The following IL3RA variants were observed in gnomAD, a reference collection of about 807,000 sequenced individuals.
The protein encoded by IL3RA is interleukin 3 receptor subunit alpha, also known as interleukin-3 receptor subunit alpha.
In IL3RA, 73 loss-of-function variants were observed where a neutral mutation model predicts 52.3. The ratio of observed to expected loss-of-function variants is 1.40; its 90% confidence interval spans 1.16 to 1.70. IL3RA has a LOEUF of 1.70. IL3RA is among the 40% of genes most tolerant of loss of function. The probability of loss-of-function intolerance (pLI) is 0.00; values close to 1 mark genes in which losing one functional copy is unlikely to be tolerated. For synonymous variants in IL3RA, 260 were observed against 194.0 expected, an observed-to-expected ratio of 1.34 and a Z score of -2.83; for missense variants, 664 against 504.4, an observed-to-expected ratio of 1.32 and a Z score of -3.03.
In IL3RA at chrX:1,382,417, CCTGGAGGAGTGT is replaced by C; in HGVS notation, c.1094_1105del (p.Glu365_Leu368del). On this transcript the variant is annotated inframe_deletion, in exon 12 of 12. Transcript: ENST00000331035. ...TGGTCTGGGAGGCGGGCAAAGCCGG[CCTGGAGGAGTGT>C]CTGGTGACTGAAGTACAGGTCGTGC... 6.2e-7 allele frequency: 1 copy of C among 1,613,808 alleles called. No individual in the cohort carries two copies. Among genetic ancestry groups the C allele is most frequent in the Admixed American group, 1.7e-5 (1 of 60,000 alleles).
chrX:1,364,616 A>G (rs2087762664), intron 8 of IL3RA, among the ~76,000 whole-genome samples: 1 of 150,056 alleles, frequency 6.7e-6, no homozygotes. Flanking sequence ...GACCAAAGAC[A>G]TGTGTCACCA....
chrX:1,356,365 C>T (rs1480597671), intron 7 of IL3RA, 29 bp downstream of exon 7: 1 of 1,437,780 alleles, frequency 7.0e-7, no homozygotes, highest in Non-Finnish European at 9.7e-7. Flanking sequence ...CCCAGCCCCC[C>T]CACCCCCGTG....
At chrX:1,380,974 A>G in intron 10 of IL3RA, 49 bp from the exon 11 acceptor site, 1 of 1,481,786 alleles carries the variant, frequency 6.7e-7, no homozygotes, top group Non-Finnish European at 9.4e-7. Flanking sequence ...CCAGATGATG[A>G]GCTGGTCGGT....
At chrX:1,368,756 G>T (rs2088392293) in intron 9 of IL3RA, among the ~76,000 whole-genome samples, 1 of 146,554 alleles carries the variant, frequency 6.8e-6, no homozygotes, top group Non-Finnish European at 1.5e-5. Context: ...GGCCTCAGGA[G>T]GAACCAGCAC....
chrX:1,343,066 C>A (rs1174298348), intron 2 of IL3RA, among the ~76,000 whole-genome samples: 18 of 151,862 alleles, frequency 1.2e-4, no homozygotes, highest in Middle Eastern at 3.4e-3. Flanking sequence ...CAGAGTGAGA[C>A]TCCGTCTCAA....
rs1441328784 is a variant in IL3RA, at chrX:1,360,261, C to CCTCTCTTT, written c.759+1374_759+1375insCTCTCTTT. Among the ~76,000 whole-genome samples, 4 of 38,500 alleles carry CCTCTCTTT rather than the reference C, an allele frequency of 1.0e-4. 2 individuals carry two copies. Among genetic ancestry groups the CCTCTCTTT allele is most frequent in the Non-Finnish European group, 2.1e-4 (4 of 18,734 alleles). 25.3% of individuals were successfully genotyped at this position (38,500 alleles called of 152,430 possible). Reference sequence around the variant, plus strand: ...CTGTATCTCTCTCCCTTTCTCCCTCCATCTTTCTCTCTCTCTCCTGGTCTC... The same window carrying CCTCTCTTT: ...CTGTATCTCTCTCCCTTTCTCCCTCCCTCTCTTTATCTTTCTCTCTCTCTCCTGGTCTC... On this transcript the variant is annotated intron_variant, in intron 8 of 11. Coordinates refer to ENST00000331035, the MANE Select transcript of IL3RA (RefSeq NM_002183.4).
At chrX:1,347,801 G>A (rs1246974035) in intron 3 of IL3RA, among the ~76,000 whole-genome samples, 10 of 151,802 alleles carry the variant, frequency 6.6e-5, no homozygotes, top group Middle Eastern at 3.2e-3. Context: ...CACTTTGGGA[G>A]GCCGAGGAGG....
rs779426026 is a variant in IL3RA, at chrX:1,353,873, G to A, written c.616+1367G>A. On this transcript the variant is annotated intron_variant, in intron 6 of 11. Coordinates refer to ENST00000331035, the MANE Select transcript of IL3RA (RefSeq NM_002183.4). Reference sequence around the variant, plus strand: ...ATCATGGGTTTCATCATGGGTCATAGGATCCCCTATCATGGATTCCATCAT... The same window carrying A: ...ATCATGGGTTTCATCATGGGTCATAAGATCCCCTATCATGGATTCCATCAT... Among the ~76,000 whole-genome samples the A allele has an allele frequency of 2.8e-4, 37 of 131,596 alleles. 1 individual carries two copies. Among genetic ancestry groups the A allele is most frequent in the African/African-American group, 1.2e-3 (36 of 29,452 alleles). The allele number at this position is 131,596 out of a possible 152,430, so 86.3% of individuals were successfully genotyped here. A position where few individuals can be genotyped will look rare whatever the true frequency, so the allele number is the denominator to read the frequency against.
chrX:1,364,334 A>C (rs2087739628), intron 8 of IL3RA, among the ~76,000 whole-genome samples: 1 of 151,480 alleles, frequency 6.6e-6, no homozygotes, highest in South Asian at 2.1e-4. Flanking sequence ...TCTACTAAAA[A>C]TACAAAATTA....
chrX:1,377,489 C>T (rs1452472369), intron 9 of IL3RA, among the ~76,000 whole-genome samples: 1 of 151,992 alleles, frequency 6.6e-6, no homozygotes, highest in African/African-American at 2.4e-5. Flanking sequence ...GTGATCCGCC[C>T]GCCTTGGCCT....
At chrX:1,351,784 A>G (rs1388977495) in intron 4 of IL3RA, among the ~76,000 whole-genome samples, 1 of 147,106 alleles carries the variant, frequency 6.8e-6, no homozygotes, top group African/African-American at 2.5e-5. Context: ...GCCCGACATC[A>G]CACCTGGCTA....
intron 3 of IL3RA, among the ~76,000 whole-genome samples, chrX:1,347,504 G>A (rs1190570233): frequency 6.6e-6 from 1 of 151,714 alleles, no homozygotes; most frequent in Non-Finnish European, 1.5e-5. Context: ...AATGAAATGT[G>A]GCCGGGTGCG....
intron 9 of IL3RA, 146 bp downstream of exon 9, chrX:1,365,398 TGA>T: frequency 1.8e-5 from 1 of 54,054 alleles, no homozygotes; most frequent in African/African-American, 1.3e-4. Flanking sequence ...CTGCGCGGGG[TGA>T]GCGGGGTGAG....
At chrX:1,367,826 C>T (rs1341633408) in intron 9 of IL3RA, among the ~76,000 whole-genome samples, 2 of 150,354 alleles carry the variant, frequency 1.3e-5, no homozygotes, top group African/African-American at 4.9e-5. Context: ...GCGGGGTGAG[C>T]GGGGTGCGCC....
intron 4 of IL3RA, among the ~76,000 whole-genome samples, chrX:1,348,866 TC>T (rs1398977557): frequency 1.2e-5 from 1 of 85,744 alleles, no homozygotes; most frequent in Non-Finnish European, 2.2e-5. Flanking sequence ...ACTTCCTCTC[TC>T]TCCTTCCTTC....
At chrX:1,337,319 A>G (rs1466407163) in intron 1 of IL3RA, among the ~76,000 whole-genome samples, 3 of 152,160 alleles carry the variant, frequency 2.0e-5, no homozygotes, top group African/African-American at 7.2e-5. Flanking sequence ...TTAGTCAATG[A>G]GCTCACGCCC....
At chrX:1,350,194 C>G (rs1449321610) in intron 4 of IL3RA, among the ~76,000 whole-genome samples, 1 of 151,962 alleles carries the variant, frequency 6.6e-6, no homozygotes, top group Non-Finnish European at 1.5e-5. Flanking sequence ...GTGGCTCACG[C>G]CTGTAATCCC....
chrX:1,341,897 A>G, intron 2 of IL3RA, 68 bp downstream of exon 2: 1 of 1,522,148 alleles, frequency 6.6e-7, no homozygotes, highest in South Asian at 1.1e-5. Flanking sequence ...ACACAATGTC[A>G]GCGTGCCGTC....
intron 10 of IL3RA, 51 bp downstream of exon 10, chrX:1,378,815 G>C (rs1455773304): frequency 1.4e-6 from 2 of 1,474,646 alleles, no homozygotes; most frequent in South Asian, 1.1e-5. Flanking sequence ...GTGTGACCCT[G>C]AAAGTTATTC....
Sources: allele counts gnomAD v4.1 joint callset (sites outside exome capture counted in the v4.1 genomes callset), GRCh38; gene constraint gnomAD v4.1.1; transcripts MANE v1.5; gene names NCBI Gene and HGNC (gene_info 2026-07-23, HGNC 2026-07-21).